The following TMPRSS11E variants were observed in gnomAD, a reference collection of about 807,000 sequenced individuals.
The protein encoded by TMPRSS11E is transmembrane protease serine 11E.
In TMPRSS11E, 38 loss-of-function variants were observed where a neutral mutation model predicts 48.1. The ratio of observed to expected loss-of-function variants is 0.79; its 90% CI spans 0.61 to 1.04. The LOEUF (loss-of-function observed/expected upper bound fraction) is 1.04, where lower values mean the gene tolerates loss of function less well. TMPRSS11E is among the 50% of genes least tolerant of loss of function. The pLI is 0.00. For synonymous variants in TMPRSS11E, 158 were observed against 171.9 expected, an observed-to-expected ratio of 0.92 and a Z score of 0.63; for missense variants, 530 against 510.8, an observed-to-expected ratio of 1.04 and a Z score of -0.36.
chr4:68,447,491 G>A lies in TMPRSS11E; in HGVS notation c.-22G>A. The A allele has an allele frequency of 2.5e-6, 4 of 1,609,682 alleles. No individual in the cohort carries two copies. The highest frequency in any genetic ancestry group is 1.1e-5 in the South Asian group (1 of 90,572). On this transcript the variant is annotated 5_prime_UTR_variant, in exon 1 of 10. Coordinates refer to ENST00000305363, the MANE Select transcript of TMPRSS11E (RefSeq NM_014058.4). ...TGGATGTAGACCTCGACCTTCACAG[G>A]ACTCTTCATTGCTGGTTGGCAATGA...
At chr4:68,466,153 C>A (rs940664234) in intron 2 of TMPRSS11E, among the ~76,000 whole-genome samples, 5 of 152,174 alleles carry the variant, frequency 3.3e-5, no homozygotes, top group Non-Finnish European at 5.9e-5. Context: ...CCTCATCTTC[C>A]TTTTCAGCCA....
At chr4:68,463,306 T>G (rs1728843531) in intron 2 of TMPRSS11E, among the ~76,000 whole-genome samples, 1 of 152,020 alleles carries the variant, frequency 6.6e-6, no homozygotes, top group South Asian at 2.1e-4. Context: ...GTAGCACACT[T>G]TTTTTTTGCT....
intron 4 of TMPRSS11E, among the ~76,000 whole-genome samples, chr4:68,470,298 T>C (rs62298455): frequency 0.19 from 28,177 of 151,724 alleles, 3,389 homozygotes; most frequent in Middle Eastern, 0.34. Flanking sequence ...AACTTAGATA[T>C]AGGGAAAGAG....
At chr4:68,467,118 G>C (rs988032108) in intron 3 of TMPRSS11E, among the ~76,000 whole-genome samples, 1 of 152,002 alleles carries the variant, frequency 6.6e-6, no homozygotes, top group African/African-American at 2.4e-5. Flanking sequence ...AGATTGCCAA[G>C]ATTGAAACTA....
At chr4:68,489,907 G>A (rs1248603653) in intron 9 of TMPRSS11E, among the ~76,000 whole-genome samples, 1 of 152,210 alleles carries the variant, frequency 6.6e-6, no homozygotes, top group African/African-American at 2.4e-5. Context: ...GGGCACCCAT[G>A]CCATGCTCTG....
intron 9 of TMPRSS11E, among the ~76,000 whole-genome samples, chr4:68,481,975 A>G (rs1463243699): frequency 1.3e-5 from 2 of 152,176 alleles, no homozygotes; most frequent in Non-Finnish European, 2.9e-5. Context: ...AACCAAGTAA[A>G]CAAAAAGCCA....
At chr4:68,474,936 G>A (rs1729169853) in intron 6 of TMPRSS11E, among the ~76,000 whole-genome samples, 175 bp downstream of exon 6, 1 of 152,098 alleles carries the variant, frequency 6.6e-6, no homozygotes, top group Non-Finnish European at 1.5e-5. Context: ...TATTAGTAAA[G>A]GATAGCAAAA....
intron 9 of TMPRSS11E, among the ~76,000 whole-genome samples, chr4:68,483,973 A>G (rs1002498381): frequency 3.3e-5 from 5 of 151,966 alleles, no homozygotes; most frequent in South Asian, 4.2e-4. Flanking sequence ...TGGCTTCTCT[A>G]TTTGGTTCCA....
At chr4:68,462,708 T>A (rs1560549257) in intron 2 of TMPRSS11E, among the ~76,000 whole-genome samples, 1 of 152,184 alleles carries the variant, frequency 6.6e-6, no homozygotes, top group East Asian at 1.9e-4. Flanking sequence ...GTCATAGTGA[T>A]GTATTGTTGA....
intron 9 of TMPRSS11E, among the ~76,000 whole-genome samples, chr4:68,487,691 C>T (rs1729598151): frequency 6.6e-6 from 1 of 151,920 alleles, no homozygotes; most frequent in Non-Finnish European, 1.5e-5. Flanking sequence ...CTTAGTTTGG[C>T]TGGATATGAA....
chr4:68,466,594 T>A, intron 2 of TMPRSS11E, 37 bp from the exon 3 acceptor site: 1 of 1,604,734 alleles, frequency 6.2e-7, no homozygotes, highest in East Asian at 2.2e-5. Flanking sequence ...ACACATCTGA[T>A]AAAAATTATG....
In TMPRSS11E at chr4:68,457,592, G is replaced by A. The variant is rs137925780; in HGVS notation, c.12-4229G>A. On this transcript the variant is annotated intron_variant, in intron 1 of 9. Coordinates refer to ENST00000305363, the MANE Select transcript of TMPRSS11E (RefSeq NM_014058.4). Reference sequence around the variant, plus strand: ...AAATCATGCTACTATAAAGACACATGCACACGTATGTTTATTGCGGCACTG... The same window carrying A: ...AAATCATGCTACTATAAAGACACATACACACGTATGTTTATTGCGGCACTG... Among the ~76,000 whole-genome samples, 336 of 152,242 alleles carry A rather than the reference G, an allele frequency of 2.2e-3. 1 individual carries two copies. Among genetic ancestry groups the A allele is most frequent in the African/African-American group, 7.5e-3 (313 of 41,532 alleles).
rs758547494 is a variant in TMPRSS11E at position 68,496,848 on chromosome 4, T to C, written c.*44T>C. The C allele has an allele frequency of 3.3e-5, 52 of 1,563,238 alleles. No individual in the cohort carries two copies. In the East Asian group the frequency reaches 1.2e-3, roughly 35 times the overall value. The stretch of plus-strand genomic sequence containing the variant: ...AACAGATAACATTTTTTTTTGTTTT[T>C]TGGGTGTGGAGGCCATTTTTAGAGA... On this transcript the variant is annotated 3_prime_UTR_variant, in exon 10 of 10. Coordinates refer to ENST00000305363, the MANE Select transcript of TMPRSS11E (RefSeq NM_014058.4).
chr4:68,449,540 C>T (rs1332013461), intron 1 of TMPRSS11E, among the ~76,000 whole-genome samples: 1 of 151,704 alleles, frequency 6.6e-6, no homozygotes, highest in East Asian at 1.9e-4. Context: ...TAAGCACTGT[C>T]TCTAAAAGTG....
rs373303099 is a variant in TMPRSS11E, at chr4:68,461,931, A to G, written c.122A>G (p.His41Arg). 6.2e-7 allele frequency: 1 copy of G among 1,614,016 alleles called. No individual in the cohort carries two copies. Among genetic ancestry groups the G allele is most frequent in the African/African-American group, 1.3e-5 (1 of 74,924 alleles). The change falls in exon 2 of 10, where the codon CAT (histidine) becomes CGT (arginine). Residue 41 changes from histidine to arginine, a missense_variant. Physicochemically the swap from His to Arg is conservative, Grantham distance 29 (BLOSUM62 0). Transcript: ENST00000305363. Reference protein sequence around the residue: ...VLAVCIGLTVHYVRYNQKKTY... With the variant: ...VLAVCIGLTVRYVRYNQKKTY... ...GCAGTGTGCATTGGACTCACTGTTCATTATGTGAGATATAGTAAGTATAAG... is the reference window on the plus strand; with the variant it reads ...GCAGTGTGCATTGGACTCACTGTTCGTTATGTGAGATATAGTAAGTATAAG...
At chr4:68,447,546 T>C (rs753760191) in intron 1 of TMPRSS11E, 23 bp downstream of exon 1, 2 of 1,605,140 alleles carry the variant, frequency 1.2e-6, no homozygotes, top group East Asian at 4.5e-5. Flanking sequence ...CCTTTTTCTT[T>C]CTAGAAGTCT....
Position 68,459,398 on chromosome 4 carries a change from C to T in TMPRSS11E, c.12-2423C>T, listed in dbSNP as rs151096435. Among the ~76,000 whole-genome samples, 925 of 151,858 alleles carry T rather than the reference C, an allele frequency of 6.1e-3. 5 individuals carry two copies. The highest frequency in any genetic ancestry group is 0.021 in the South Asian group (99 of 4,802). The stretch of plus-strand genomic sequence containing the variant: ...CATAATGTTGTTCTTAAAAAATCCA[C>T]CATAAAACAAACAAATCCATAAATT... On this transcript the variant is annotated intron_variant, in intron 1 of 9. Coordinates refer to ENST00000305363, the MANE Select transcript of TMPRSS11E (RefSeq NM_014058.4).
rs189244297 is a variant in TMPRSS11E, at chr4:68,472,195, G to C, written c.490+572G>C. On this transcript the variant is annotated intron_variant, in intron 5 of 9. Coordinates refer to ENST00000305363, the MANE Select transcript of TMPRSS11E (RefSeq NM_014058.4). ...ATAGGTCCTCACATTTAGAAAATAA[G>C]AAATATGAGATCCTCAGTGGAAATT... Among the ~76,000 whole-genome samples, 22 of 152,002 alleles carry C rather than the reference G, an allele frequency of 1.4e-4. 1 individual carries two copies. Among genetic ancestry groups the C allele is most frequent in the African/African-American group, 3.4e-4 (14 of 41,518 alleles).
At chr4:68,477,772 C>T in intron 8 of TMPRSS11E, 144 bp downstream of exon 8, 1 of 1,034,014 alleles carries the variant, frequency 9.7e-7, no homozygotes, top group Non-Finnish European at 1.4e-6. Flanking sequence ...AAGTAAATAA[C>T]TTGGAAGGCA....
Sources: gnomAD v4.1 joint callset for allele counts (sites outside exome capture counted in the v4.1 genomes callset) on GRCh38, gnomAD v4.1.1 for gene constraint, MANE v1.5 for transcripts, NCBI Gene and HGNC (gene_info 2026-07-23, HGNC 2026-07-21) for gene names.